PDE4D: variants seen among roughly 807,000 people sequenced by gnomAD.
The protein encoded by PDE4D is phosphodiesterase 4D, also known as 3',5'-cyclic-AMP phosphodiesterase 4D.
PDE4D carries 24 observed loss-of-function variants against 87.4 expected under a neutral mutation model. That is an observed-to-expected ratio of 0.27 (90% confidence interval 0.20 to 0.39). The LOEUF (loss-of-function observed/expected upper bound fraction) is 0.39. Ranked by LOEUF, PDE4D falls within the 10% of genes least tolerant of loss-of-function variation. PDE4D has a pLI of 1.00. For missense variants in PDE4D, 714 were observed against 1,041.0 expected, an observed-to-expected ratio of 0.69 and a Z score of 4.32; for synonymous variants, 384 against 383.2, an observed-to-expected ratio of 1.00 and a Z score of -0.02.
At chr5:60,059,305 T>C (rs1358026640) in intron 2 of PDE4D, among the ~76,000 whole-genome samples, 1 of 152,006 alleles carries the variant, frequency 6.6e-6, no homozygotes, top group Non-Finnish European at 1.5e-5. Flanking sequence ...GTTCTCAGAA[T>C]GACCATGTAA....
At chr5:59,202,736 T>G (rs890915971) in intron 2 of PDE4D, among the ~76,000 whole-genome samples, 5 of 152,142 alleles carry the variant, frequency 3.3e-5, no homozygotes, top group African/African-American at 1.2e-4. Context: ...AAGCTCTCTC[T>G]CTTTGCCTGT....
At chr5:59,573,965 T>C (rs1822322367) in intron 1 of PDE4D, among the ~76,000 whole-genome samples, 1 of 133,616 alleles carries the variant, frequency 7.5e-6, no homozygotes, top group Non-Finnish European at 1.6e-5. Flanking sequence ...ACCACTGCAC[T>C]CCAGCCTGGA....
intron 1 of PDE4D, among the ~76,000 whole-genome samples, chr5:59,822,094 G>A (rs1376947424): frequency 6.6e-6 from 1 of 151,998 alleles, no homozygotes; most frequent in Non-Finnish European, 1.5e-5. Flanking sequence ...GGAATGACAG[G>A]CTACTGTTTA....
At chr5:59,715,805 ATAAAG>A (rs1390524640) in intron 1 of PDE4D, among the ~76,000 whole-genome samples, 3 of 152,246 alleles carry the variant, frequency 2.0e-5, no homozygotes, top group Non-Finnish European at 4.4e-5. Context: ...GGCTTAATGC[ATAAAG>A]TAAATTCGGG....
chr5:60,140,856 T>G (rs1015939507), intron 2 of PDE4D, among the ~76,000 whole-genome samples: 3 of 152,114 alleles, frequency 2.0e-5, no homozygotes, highest in African/African-American at 7.2e-5. Flanking sequence ...ATTAATTAAC[T>G]CTCACACTTA....
intron 5 of PDE4D, among the ~76,000 whole-genome samples, chr5:59,129,351 G>A (rs1452498397): frequency 2.6e-5 from 4 of 152,066 alleles, no homozygotes; most frequent in African/African-American, 9.7e-5. Flanking sequence ...TAATCCTCCT[G>A]CCTTGCCTCC....
At position 60,484,637 on chromosome 5, in the gene PDE4D, A is replaced by C. The variant is rs376327527; in HGVS notation, c.-90+3305T>G. Reference sequence around the variant, plus strand: ...TTAATACTCAAGTAATAGATGGATCAGCATTGAAGCTCCAATGGGAGCTTC... The same window carrying C: ...TTAATACTCAAGTAATAGATGGATCCGCATTGAAGCTCCAATGGGAGCTTC... On this transcript the variant is annotated intron_variant, in intron 1 of 16. Transcript: ENST00000502484. Among the ~76,000 whole-genome samples the C allele has an allele frequency of 8.5e-5, 13 of 152,300 alleles. No individual in the cohort carries two copies. The East Asian group carries it at 1.7e-3, about 20-fold the overall frequency.
chr5:60,273,633 G>A (rs1379741523), intron 1 of PDE4D, among the ~76,000 whole-genome samples: 2 of 152,148 alleles, frequency 1.3e-5, no homozygotes, highest in Admixed American at 1.3e-4. Context: ...CACCAGAGAA[G>A]TAGAGGCAAA....
At chr5:59,914,390 G>T (rs1287911479) in intron 3 of PDE4D, among the ~76,000 whole-genome samples, 1 of 152,102 alleles carries the variant, frequency 6.6e-6, no homozygotes, top group African/African-American at 2.4e-5. Context: ...TTTTTGAGCA[G>T]AGACCTGAGG....
At chr5:60,037,889 T>G (rs954409518) in intron 2 of PDE4D, among the ~76,000 whole-genome samples, 3 of 152,194 alleles carry the variant, frequency 2.0e-5, no homozygotes, top group Admixed American at 6.5e-5. Flanking sequence ...CTATGCATAT[T>G]ATCAAACTGA....
intron 1 of PDE4D, among the ~76,000 whole-genome samples, chr5:59,364,974 T>C (rs529434806): frequency 2.9e-4 from 44 of 152,216 alleles, no homozygotes; most frequent in Non-Finnish European, 5.0e-4. Context: ...TAGTAGTCAA[T>C]GGTGAAAACA....
intron 1 of PDE4D, among the ~76,000 whole-genome samples, chr5:59,592,986 A>C (rs1157601562): frequency 6.6e-6 from 1 of 151,836 alleles, no homozygotes; most frequent in East Asian, 1.9e-4. Context: ...ATAATTTAAA[A>C]TTTTTTAATA....
At chr5:59,109,931 T>C (rs1772314414) in intron 5 of PDE4D, among the ~76,000 whole-genome samples, 1 of 152,118 alleles carries the variant, frequency 6.6e-6, no homozygotes, top group Admixed American at 6.5e-5. Flanking sequence ...CAAAGGAGAC[T>C]TGCCTTGTGC....
intron 1 of PDE4D, among the ~76,000 whole-genome samples, chr5:59,258,030 A>G (rs1329565149): frequency 1.3e-5 from 2 of 151,950 alleles, no homozygotes; most frequent in African/African-American, 2.4e-5. Context: ...AAATCTATAC[A>G]TGAGTGCCAT....
chr5:59,437,415 C>T (rs1223177755), intron 1 of PDE4D, among the ~76,000 whole-genome samples: 1 of 152,136 alleles, frequency 6.6e-6, no homozygotes, highest in Non-Finnish European at 1.5e-5. Context: ...GAATTTCCAA[C>T]AGTAGGAACC....
intron 1 of PDE4D, among the ~76,000 whole-genome samples, chr5:59,350,101 T>C (rs192652518): frequency 6.6e-6 from 1 of 152,316 alleles, no homozygotes; most frequent in East Asian, 1.9e-4. Context: ...TTGTAGCTGT[T>C]GTAGCAAGTG....
At chr5:59,714,811 G>T (rs530103784) in intron 1 of PDE4D, among the ~76,000 whole-genome samples, 1 of 152,178 alleles carries the variant, frequency 6.6e-6, no homozygotes, top group Non-Finnish European at 1.5e-5. Context: ...ATTTAGAAGC[G>T]GCAATGCTCC....
chr5:60,078,017 C>T (rs545190233), intron 2 of PDE4D, among the ~76,000 whole-genome samples: 11 of 152,174 alleles, frequency 7.2e-5, no homozygotes, highest in Admixed American at 7.2e-4. Context: ...CTGTGAAGAT[C>T]TGCTAGGAGT....
chr5:60,123,877 T>C (rs1367172016), intron 2 of PDE4D, among the ~76,000 whole-genome samples: 1 of 152,144 alleles, frequency 6.6e-6, no homozygotes, highest in African/African-American at 2.4e-5. Flanking sequence ...ACTATAAAAT[T>C]CCAAATAAAT....
Sources: allele counts gnomAD v4.1 joint callset (sites outside exome capture counted in the v4.1 genomes callset), GRCh38; gene constraint gnomAD v4.1.1; transcripts MANE v1.5; gene names NCBI Gene and HGNC (gene_info 2026-07-23, HGNC 2026-07-21).